ZDHHC19: variants seen among roughly 807,000 people sequenced by gnomAD.
The protein encoded by ZDHHC19 is zDHHC palmitoyltransferase 19.
A neutral mutation model predicts 33.9 loss-of-function variants in ZDHHC19; 30 were observed. The ratio of observed to expected loss-of-function variants is 0.88; its 90% CI spans 0.66 to 1.20. The LOEUF (loss-of-function observed/expected upper bound fraction) is 1.20, where lower values mean the gene tolerates loss of function less well. Among genes scored for constraint, ZDHHC19 ranks in the 50% most tolerant of loss-of-function variants. The probability of loss-of-function intolerance (pLI) is 0.00; values close to 1 mark genes in which losing one functional copy is unlikely to be tolerated. For synonymous variants in ZDHHC19, 178 were observed against 167.6 expected (o/e 1.06, Z -0.48); for missense variants, 364 against 401.1 (o/e 0.91, Z 0.79).
chr3:196,207,232 T>A (rs1722807010), intron 5 of ZDHHC19, among the ~76,000 whole-genome samples, 166 bp downstream of exon 5: 1 of 152,084 alleles, frequency 6.6e-6, no homozygotes. Flanking sequence ...ACCACTGAGC[T>A]CCCGGAGGAG....
At chr3:196,201,574 A>G (rs28689623) in intron 5 of ZDHHC19, among the ~76,000 whole-genome samples, 64,165 of 151,548 alleles carry the variant, frequency 0.42, 14,005 homozygotes, top group East Asian at 0.68. Flanking sequence ...TGCAAAAATT[A>G]GTCGGGCATG....
chr3:196,205,313 G>A (rs968357706), intron 5 of ZDHHC19, among the ~76,000 whole-genome samples: 4 of 152,056 alleles, frequency 2.6e-5, no homozygotes, highest in African/African-American at 9.7e-5. Flanking sequence ...AATACCGTAC[G>A]GCAATCAAAA....
chr3:196,208,836 C>T (rs181306941), intron 3 of ZDHHC19: 2 of 465,074 alleles, frequency 4.3e-6, no homozygotes, highest in Non-Finnish European at 3.9e-6. Flanking sequence ...CCTACTGTAA[C>T]TCTGGGCAGA....
intron 5 of ZDHHC19, among the ~76,000 whole-genome samples, chr3:196,205,247 T>A (rs1722643356): frequency 6.6e-6 from 1 of 151,992 alleles, no homozygotes; most frequent in African/African-American, 2.4e-5. Context: ...AAACTAGAAA[T>A]AACACAAACA....
chr3:196,208,013 A>C (rs76531186), intron 4 of ZDHHC19, among the ~76,000 whole-genome samples: 39,654 of 149,752 alleles, frequency 0.26, 5,486 homozygotes, highest in East Asian at 0.47. Context: ...AAGCGGTCCT[A>C]CCACCTCAGC....
In ZDHHC19 at chr3:196,198,353, GGGTTGAGAGCAGAGGGGGAC is replaced by G. The variant is rs775081683; in HGVS notation, c.852_871del (p.Met284IlefsTer71). ...TAGGGACCCAGAGGTTGGGGCTGGG[GGGTTGAGAGCAGAGGGGGAC>G]ATTGGAGGGTGCAGATTCGGCATGG... is the stretch of plus-strand genomic sequence containing the variant. On this transcript the variant is annotated frameshift_variant, in exon 7 of 8. Coordinates refer to ENST00000296326, the MANE Select transcript of ZDHHC19 (RefSeq NM_001039617.2). LOFTEE classifies it high-confidence loss of function. The G allele has an allele frequency of 6.6e-7, 1 of 1,521,418 alleles. No individual in the cohort carries two copies. The highest frequency in any genetic ancestry group is 2.3e-5 in the East Asian group (1 of 43,896). 94.2% of individuals were successfully genotyped at this position (1,521,418 alleles called of 1,614,324 possible).
In ZDHHC19 at chr3:196,197,549, G is replaced by A. The variant is rs1721894567; in HGVS notation, c.*196C>T. The A allele has an allele frequency of 6.5e-6, 1 of 152,854 alleles. No individual in the cohort carries two copies. Among genetic ancestry groups the A allele is most frequent in the South Asian group, 2.1e-4 (1 of 4,838 alleles). The allele number at this position is 152,854 out of a possible 1,614,324, so 9.5% of individuals were successfully genotyped here. A position where few individuals can be genotyped will look rare whatever the true frequency, so the allele number is the denominator to read the frequency against. On this transcript the variant is annotated 3_prime_UTR_variant, in exon 8 of 8. Coordinates refer to ENST00000296326, the MANE Select transcript of ZDHHC19 (RefSeq NM_001039617.2). The surrounding 1 kb of genome is among the most constrained non-coding windows in gnomAD (Gnocchi z 4.4). ...AAGGCACAGAAAGGCTTCCACTCAG[G>A]GCTCAGGAAGTGGGAGGTAAGGAGG... is the stretch of plus-strand genomic sequence containing the variant.
Position 196,198,331 on chromosome 3 carries a change from G to C in ZDHHC19, c.894C>G (p.Ser298=). The C allele has an allele frequency of 2.0e-6, 3 of 1,512,724 alleles. No homozygotes were observed. Among genetic ancestry groups the C allele is most frequent in the Non-Finnish European group, 2.7e-6 (3 of 1,131,206 alleles). 93.7% of individuals were successfully genotyped at this position (1,512,724 alleles called of 1,614,324 possible). A position where few individuals can be genotyped will look rare whatever the true frequency, so the allele number is the denominator to read the frequency against. The change falls in exon 7 of 8, where the codon TCC becomes TCG. Residue 298 remains serine, a synonymous_variant. Transcript: ENST00000296326. ...CGGGGGTCCCTTCCCTGCTTTGTAGGGACCCAGAGGTTGGGGCTGGGGGGT... is the reference window on the plus strand; with the variant it reads ...CGGGGGTCCCTTCCCTGCTTTGTAGCGACCCAGAGGTTGGGGCTGGGGGGT... ...ALNPPAPTSG[S]LQSREGTPGA... is the part of the protein sequence containing the mutation.
At position 196,198,306 on chromosome 3, in the gene ZDHHC19, C is replaced by G; in HGVS notation, c.919G>C (p.Gly307Arg). The change falls in exon 7 of 8, where the codon GGG becomes CGG. Residue 307 changes from glycine (G) to arginine (R), a missense_variant. By Grantham distance (125) the Gly-to-Arg change is moderately radical (BLOSUM62 -2). Coordinates refer to ENST00000296326, the MANE Select transcript of ZDHHC19 (RefSeq NM_001039617.2). ...GGAGAGCTGCAGCCTCACCACGCCC[C>G]GGGGGTCCCTTCCCTGCTTTGTAGG... ...GSLQSREGTPGAW is the reference protein window; with the variant it reads ...GSLQSREGTPRAW The G allele has an allele frequency of 6.6e-7, 1 of 1,504,164 alleles. No individual in the cohort carries two copies. The highest frequency in any genetic ancestry group is 8.9e-7 in the Non-Finnish European group (1 of 1,127,102). 93.2% of individuals were successfully genotyped at this position (1,504,164 alleles called of 1,614,324 possible).
chr3:196,210,368 G>C (rs1723169580), intron 2 of ZDHHC19, among the ~76,000 whole-genome samples: 1 of 119,646 alleles, frequency 8.4e-6, no homozygotes, highest in African/African-American at 2.8e-5. Flanking sequence ...AAGAAGGAAG[G>C]AAGGAAAGAG....
intron 5 of ZDHHC19, among the ~76,000 whole-genome samples, chr3:196,207,115 G>C (rs1294082168): frequency 2.0e-5 from 3 of 152,144 alleles, no homozygotes; most frequent in African/African-American, 7.2e-5. Context: ...TCTGATTTCA[G>C]GTTCCTCATC....
intron 5 of ZDHHC19, among the ~76,000 whole-genome samples, chr3:196,201,099 G>C (rs988566297): frequency 1.3e-5 from 2 of 151,056 alleles, no homozygotes; most frequent in African/African-American, 4.9e-5. Context: ...TTGAGACGGA[G>C]TCTCACTGTG....
rs1271260461 is a variant in ZDHHC19 at position 196,198,314 on chromosome 3, C to A, written c.911G>T (p.Gly304Val). Residue 304 changes from glycine to valine, a missense_variant, in exon 7 of 8, where the codon GGG becomes GTG. Coordinates refer to ENST00000296326, the MANE Select transcript of ZDHHC19 (RefSeq NM_001039617.2). ...PTSGSLQSRE[G>V]TPGAW ...GCAGCCTCACCACGCCCCGGGGGTC[C>A]CTTCCCTGCTTTGTAGGGACCCAGA... is the stretch of plus-strand genomic sequence containing the variant. 1.3e-6 allele frequency: 2 copies of A among 1,505,794 alleles called. No individual in the cohort carries two copies. Among genetic ancestry groups the A allele is most frequent in the Admixed American group, 2.3e-5 (1 of 43,188 alleles). The allele number at this position is 1,505,794 out of a possible 1,614,324, so 93.3% of individuals were successfully genotyped here.
At chr3:196,209,654 G>A in intron 2 of ZDHHC19, 139 bp from the exon 3 acceptor site, 1 of 1,164,330 alleles carries the variant, frequency 8.6e-7, no homozygotes, top group Non-Finnish European at 1.2e-6. Flanking sequence ...TGAGCAAGCT[G>A]TCCAAGCTCA....
chr3:196,209,343 C>T (rs1367108073), intron 3 of ZDHHC19, 33 bp downstream of exon 3: 3 of 1,567,414 alleles, frequency 1.9e-6, no homozygotes, highest in South Asian at 2.3e-5. Flanking sequence ...AGATGTGGGG[C>T]GATGGCTGGT....
intron 5 of ZDHHC19, chr3:196,199,203 C>A: frequency 3.2e-6 from 1 of 314,522 alleles, no homozygotes; most frequent in South Asian, 2.9e-5. Context: ...ACACGCAATG[C>A]GGTAAAGGCC....
At chr3:196,199,322 G>A (rs762786318) in intron 5 of ZDHHC19, 15 of 179,192 alleles carry the variant, frequency 8.4e-5, no homozygotes, top group Non-Finnish European at 9.5e-5. Context: ...CTCCCTCTCC[G>A]CCACAGGGCA....
At chr3:196,202,981 C>T (rs1722479422) in intron 5 of ZDHHC19, among the ~76,000 whole-genome samples, 2 of 152,058 alleles carry the variant, frequency 1.3e-5, no homozygotes, top group South Asian at 4.2e-4. Flanking sequence ...ATGAATGGTG[C>T]CAGGCGCAGT....
In ZDHHC19 at chr3:196,203,966, G is replaced by A. The variant is rs1219719227; in HGVS notation, c.687+3432C>T. Among the ~76,000 whole-genome samples, 3 of 152,062 alleles carry A rather than the reference G, an allele frequency of 2.0e-5. No homozygotes were observed. The highest frequency in any genetic ancestry group is 4.8e-5 in the African/African-American group (2 of 41,364). On this transcript the variant is annotated intron_variant, in intron 5 of 7. Coordinates refer to ENST00000296326, the MANE Select transcript of ZDHHC19 (RefSeq NM_001039617.2). This position sits in a 1 kb window ranked among gnomAD's most constrained non-coding sequence, Gnocchi z 4.3. Reference sequence around the variant, plus strand: ...TCAATGCTGCCCATCAGTTTTCCTAGAACAGCCAGTGACCTGCTGAAGGAG... The same window carrying A: ...TCAATGCTGCCCATCAGTTTTCCTAAAACAGCCAGTGACCTGCTGAAGGAG...
Sources: allele counts gnomAD v4.1 joint callset (sites outside exome capture counted in the v4.1 genomes callset), GRCh38; gene constraint gnomAD v4.1.1; non-coding constraint Gnocchi (gnomAD v3.1); transcripts MANE v1.5; gene names NCBI Gene and HGNC (gene_info 2026-07-23, HGNC 2026-07-21).